IQGAP1: variants seen among roughly 807,000 people sequenced by gnomAD.
IQGAP1 encodes the protein IQ motif containing GTPase activating protein 1, also known as ras GTPase-activating-like protein IQGAP1.
A neutral mutation model predicts 215.6 loss-of-function variants in IQGAP1; 66 were observed. That is an observed-to-expected ratio of 0.31 (90% CI 0.25 to 0.38). IQGAP1 has a LOEUF of 0.38. IQGAP1 is among the 10% of genes least tolerant of loss of function. IQGAP1 has a pLI of 1.00. For synonymous variants in IQGAP1, 772 were observed against 728.7 expected (o/e 1.06, Z -0.96); for missense variants, 1,712 against 1,997.1 (o/e 0.86, Z 2.72).
Position 90,444,769 on chromosome 15 carries a change from A to T in IQGAP1, c.913+1291A>T, listed in dbSNP as rs572133557. On this transcript the variant is annotated intron_variant, in intron 9 of 37. Coordinates refer to ENST00000268182, the MANE Select transcript of IQGAP1 (RefSeq NM_003870.4). Reference sequence around the variant, plus strand: ...CCTAGCCTAGTGCAGTTCTTTATGCAATATTTCATGCATACAGCTCTTTGT... The same window carrying T: ...CCTAGCCTAGTGCAGTTCTTTATGCTATATTTCATGCATACAGCTCTTTGT... Among the ~76,000 whole-genome samples the T allele has an allele frequency of 3.3e-5, 5 of 152,344 alleles. No homozygotes were observed. In the East Asian group the frequency reaches 9.6e-4, roughly 29 times the overall value.
intron 12 of IQGAP1, 28 bp from the exon 13 acceptor site, chr15:90,453,104 G>T: frequency 6.3e-7 from 1 of 1,583,534 alleles, no homozygotes; most frequent in Non-Finnish European, 8.6e-7. Context: ...TTTCCTCACT[G>T]TTTTCCCTTC....
chr15:90,420,796 C>T (rs562322859), intron 2 of IQGAP1, among the ~76,000 whole-genome samples: 47 of 152,324 alleles, frequency 3.1e-4, no homozygotes, highest in Non-Finnish European at 5.1e-4. Flanking sequence ...GATCACTGCT[C>T]ACTGCATCCT....
intron 3 of IQGAP1, 47 bp downstream of exon 3, chr15:90,426,313 A>G (rs764991623): frequency 1.3e-6 from 2 of 1,562,202 alleles, no homozygotes; most frequent in Non-Finnish European, 1.7e-6. Flanking sequence ...AACTTGAGAA[A>G]GTTAGCATGT....
chr15:90,422,950 C>A (rs1431903942), intron 2 of IQGAP1, among the ~76,000 whole-genome samples: 1 of 152,026 alleles, frequency 6.6e-6, no homozygotes, highest in Non-Finnish European at 1.5e-5. Context: ...CTGCCTTGGC[C>A]TCCCAAAGTG....
In IQGAP1 at chr15:90,486,949, T is replaced by A; in HGVS notation, c.4025-5T>A. Reference sequence around the variant, plus strand: ...CTGACTCTTTCCACCCTCCCAAAACTTCAGGGGAAAGCTCTGGCAATTTAA... The same window carrying A: ...CTGACTCTTTCCACCCTCCCAAAACATCAGGGGAAAGCTCTGGCAATTTAA... On this transcript the variant is annotated splice_polypyrimidine_tract_variant and splice_region_variant and intron_variant, in intron 31 of 37. Transcript: ENST00000268182. 6.2e-7 allele frequency: 1 copy of A among 1,613,758 alleles called. No homozygotes were observed. The highest frequency in any genetic ancestry group is 1.1e-5 in the South Asian group (1 of 91,038).
At chr15:90,452,732 C>A in intron 11 of IQGAP1, 43 bp from the exon 12 acceptor site, 3 of 1,593,924 alleles carry the variant, frequency 1.9e-6, no homozygotes, top group Non-Finnish European at 2.6e-6. Context: ...CCCCTGAGGG[C>A]TCTCTAAGCC....
chr15:90,466,065 A>G lies in IQGAP1; in HGVS notation c.1841A>G (p.Asn614Ser). The G allele has an allele frequency of 3.1e-6, 5 of 1,614,132 alleles. No homozygotes were observed. The highest frequency in any genetic ancestry group is 2.2e-5 in the East Asian group (1 of 44,880). ...DEIQGGIWQS[N>S]KDTQEAQKFA... is the part of the protein sequence containing the mutation. ...ATTCAAGGTGGAATCTGGCAGTCCA[A>G]CAAAGACACCCAAGAAGCACAGAAG... The change falls in exon 16 of 38, where the codon AAC becomes AGC. Residue 614 changes from asparagine (N) to serine (S), a missense_variant. Asn to Ser is a conservative substitution (Grantham distance 46). This residue lies in a region of IQGAP1 where 1,021 missense variants were observed against 1,074.2 expected (regional missense o/e 0.95). Transcript: ENST00000268182.
chr15:90,462,084 C>T (rs1965772126), intron 15 of IQGAP1, among the ~76,000 whole-genome samples: 2 of 152,018 alleles, frequency 1.3e-5, no homozygotes, highest in African/African-American at 4.8e-5. Flanking sequence ...AGGAGAATGG[C>T]ATGAACCCAG....
chr15:90,440,688 T>A, intron 7 of IQGAP1, 73 bp downstream of exon 7: 1 of 929,800 alleles, frequency 1.1e-6, no homozygotes, highest in Non-Finnish European at 1.7e-6. Flanking sequence ...TCTATAGTGA[T>A]GATCTAGGAC....
rs942748330 is a variant in IQGAP1, at chr15:90,501,461, A to G, written c.*1353A>G. Reference sequence around the variant, plus strand: ...GCTGAGCCTCTATTTTCTTTCTTTGATGTTTTGATTCAGTATTCTTTTATC... The same window carrying G: ...GCTGAGCCTCTATTTTCTTTCTTTGGTGTTTTGATTCAGTATTCTTTTATC... On this transcript the variant is annotated 3_prime_UTR_variant, in exon 38 of 38. Transcript: ENST00000268182. 2 of 151,780 alleles carry G rather than the reference A, an allele frequency of 1.3e-5. No homozygotes were observed. The highest frequency in any genetic ancestry group is 2.9e-5 in the Non-Finnish European group (2 of 67,972). The allele number at this position is 151,780 out of a possible 1,614,324, so 9.4% of individuals were successfully genotyped here.
intron 5 of IQGAP1, among the ~76,000 whole-genome samples, chr15:90,437,668 G>T (rs1263975143): frequency 6.6e-6 from 1 of 151,906 alleles, no homozygotes; most frequent in Non-Finnish European, 1.5e-5. Context: ...CCTCCCAAAT[G>T]GCTAGGACTA....
intron 2 of IQGAP1, among the ~76,000 whole-genome samples, chr15:90,393,106 TAAAA>T (rs11359516): frequency 7.6e-4 from 109 of 144,002 alleles, no homozygotes; most frequent in Middle Eastern, 3.7e-3. Flanking sequence ...CTGGGGAACT[TAAAA>T]AAAAAAAAAA....
intron 2 of IQGAP1, among the ~76,000 whole-genome samples, chr15:90,396,270 A>C (rs1211604066): frequency 6.6e-6 from 1 of 152,220 alleles, no homozygotes; most frequent in African/African-American, 2.4e-5. Context: ...GGATATGTCC[A>C]GGCTGGCACC....
intron 4 of IQGAP1, 60 bp from the exon 5 acceptor site, chr15:90,433,659 T>G (rs1473124504): frequency 4.0e-6 from 4 of 989,170 alleles, no homozygotes; most frequent in African/African-American, 3.2e-5. Flanking sequence ...TGATGATTGG[T>G]GAATGTCAGA....
intron 2 of IQGAP1, among the ~76,000 whole-genome samples, chr15:90,407,518 G>A (rs771556912): frequency 2.2e-4 from 33 of 152,146 alleles, no homozygotes; most frequent in Admixed American, 7.2e-4. Flanking sequence ...ATAACAATAA[G>A]AAATTTCCAA....
At chr15:90,462,876 T>C (rs559747679) in intron 15 of IQGAP1, among the ~76,000 whole-genome samples, 1 of 152,352 alleles carries the variant, frequency 6.6e-6, no homozygotes, top group Admixed American at 6.5e-5. Flanking sequence ...TTAGATAGCA[T>C]TTTTACAGCA....
chr15:90,500,245 T>C lies in IQGAP1; in HGVS notation c.*137T>C. The C allele has an allele frequency of 3.4e-6, 2 of 594,656 alleles. No homozygotes were observed. The highest frequency in any genetic ancestry group is 4.1e-5 in the South Asian group (2 of 48,932). The allele number at this position is 594,656 out of a possible 1,614,324, so 36.8% of individuals were successfully genotyped here. A position where few individuals can be genotyped will look rare whatever the true frequency, so the allele number is the denominator to read the frequency against. ...AATCTGATACACTCCCGATGCCACA[T>C]TTTTAACTCCTCTCGCTCTGATGGG... On this transcript the variant is annotated 3_prime_UTR_variant, in exon 38 of 38. Transcript: ENST00000268182.
At chr15:90,430,825 A>T (rs12595061) in intron 4 of IQGAP1, among the ~76,000 whole-genome samples, 24,015 of 151,110 alleles carry the variant, frequency 0.16, 2,646 homozygotes, top group East Asian at 0.46. Flanking sequence ...AAACCATTTT[A>T]TATTTTGTAT....
chr15:90,450,035 A>G (rs1191551270), intron 11 of IQGAP1, among the ~76,000 whole-genome samples: 1 of 152,174 alleles, frequency 6.6e-6, no homozygotes, highest in African/African-American at 2.4e-5. Context: ...GTTTTGAACT[A>G]TACATTATTG....
Sources: gnomAD v4.1 joint callset for allele counts (sites outside exome capture counted in the v4.1 genomes callset) on GRCh38, gnomAD v4.1.1 for gene constraint, gnomAD v4.1.1 regional missense constraint, MANE v1.5 for transcripts, NCBI Gene and HGNC (gene_info 2026-07-23, HGNC 2026-07-21) for gene names.